SUPT3H: variants seen among roughly 807,000 people sequenced by gnomAD.
The protein encoded by SUPT3H is SPT3 homolog, SAGA and STAGA complex component.
In SUPT3H, 44 loss-of-function variants were observed where a neutral mutation model predicts 44.3. The observed-to-expected ratio is 0.99, with a 90% CI of 0.78 to 1.28. The LOEUF (loss-of-function observed/expected upper bound fraction) is 1.28, where lower values mean the gene tolerates loss of function less well. SUPT3H is among the 50% of genes most tolerant of loss of function. The pLI, the probability that SUPT3H is intolerant of heterozygous loss-of-function variation, is 0.00. For missense variants in SUPT3H, 380 were observed against 387.1 expected, an observed-to-expected ratio of 0.98 and a Z score of 0.15; for synonymous variants, 124 against 125.6, an observed-to-expected ratio of 0.99 and a Z score of 0.09.
chr6:44,903,260 A>T lies in SUPT3H; in HGVS notation c.912+29393T>A, dbSNP rs187488607. Among the ~76,000 whole-genome samples the T allele has an allele frequency of 6.6e-3, 988 of 148,806 alleles. 12 individuals are homozygous for T. Among genetic ancestry groups the T allele is most frequent in the African/African-American group, 0.023 (933 of 40,694 alleles). On this transcript the variant is annotated intron_variant, in intron 10 of 10. Coordinates refer to ENST00000371459, the MANE Select transcript of SUPT3H (RefSeq NM_003599.4). ...TCCAGTAGCTGGTTTTTTGAAAAGA[A>T]CAACAAAATTGATAGACCGCTAGCA... is the stretch of plus-strand genomic sequence containing the variant.
chr6:44,867,670 C>T (rs958956172), intron 10 of SUPT3H, among the ~76,000 whole-genome samples: 1 of 152,118 alleles, frequency 6.6e-6, no homozygotes, highest in Non-Finnish European at 1.5e-5. Flanking sequence ...AGTAGAATCT[C>T]ATTGGTTCAC....
intron 11 of SUPT3H, among the ~76,000 whole-genome samples, chr6:44,817,561 G>A: frequency 1.3e-5 from 2 of 152,104 alleles, no homozygotes; most frequent in African/African-American, 2.4e-5. Flanking sequence ...GATCATCTAT[G>A]TAGAAAATCC....
At chr6:45,012,316 C>G (rs1323233960) in intron 5 of SUPT3H, among the ~76,000 whole-genome samples, 3 of 151,658 alleles carry the variant, frequency 2.0e-5, no homozygotes, top group Non-Finnish European at 4.4e-5. Flanking sequence ...TAATGGTGCT[C>G]TACATTTCTC....
intron 2 of SUPT3H, chr6:45,322,835 T>C (rs2150042178): frequency 6.7e-7 from 1 of 1,495,918 alleles, no homozygotes; most frequent in Non-Finnish European, 9.3e-7. Flanking sequence ...CAACCACAGT[T>C]AGATTCATCC....
chr6:45,062,347 A>G (rs1250681593), intron 3 of SUPT3H, among the ~76,000 whole-genome samples: 1 of 152,226 alleles, frequency 6.6e-6, no homozygotes, highest in Non-Finnish European at 1.5e-5. Flanking sequence ...AGCATTATAA[A>G]TATCATAAAA....
At chr6:45,321,784 C>T (rs1183519749) in intron 2 of SUPT3H, 2 of 1,578,828 alleles carry the variant, frequency 1.3e-6, no homozygotes, top group Non-Finnish European at 8.7e-7. Context: ...AACACAATTT[C>T]CCACTACTTA....
intron 10 of SUPT3H, among the ~76,000 whole-genome samples, chr6:44,858,209 C>T (rs1320166975): frequency 6.6e-6 from 1 of 152,246 alleles, no homozygotes; most frequent in East Asian, 1.9e-4. Flanking sequence ...AGAAATGTGG[C>T]CCCAGTACCA....
intron 2 of SUPT3H, among the ~76,000 whole-genome samples, chr6:45,262,881 G>T (rs976757204): frequency 3.9e-5 from 6 of 152,076 alleles, no homozygotes; most frequent in African/African-American, 1.4e-4. Flanking sequence ...ACAAATATAT[G>T]AGAAAATGCT....
chr6:45,221,271 A>G (rs1220327850), intron 2 of SUPT3H, among the ~76,000 whole-genome samples: 1 of 152,114 alleles, frequency 6.6e-6, no homozygotes, highest in Admixed American at 6.6e-5. Context: ...ATCTAATGTA[A>G]ATGACGAGTT....
At chr6:45,366,554 C>T (rs1795166932) in intron 1 of SUPT3H, among the ~76,000 whole-genome samples, 1 of 152,134 alleles carries the variant, frequency 6.6e-6, no homozygotes, top group Admixed American at 6.5e-5. Context: ...AAAAGAATTC[C>T]CCTCCTTTAT....
intron 2 of SUPT3H, among the ~76,000 whole-genome samples, chr6:45,156,586 T>A (rs1015981292): frequency 2.6e-5 from 4 of 151,466 alleles, no homozygotes; most frequent in African/African-American, 9.7e-5. Context: ...ATAATTTCAA[T>A]AAATTTCTGG....
chr6:44,951,889 A>G (rs1242610802), intron 9 of SUPT3H, among the ~76,000 whole-genome samples: 2 of 152,244 alleles, frequency 1.3e-5, no homozygotes, highest in Non-Finnish European at 1.5e-5. Context: ...ACTTATACAC[A>G]TATTCATAAA....
At chr6:44,944,595 CAAA>C in intron 9 of SUPT3H, among the ~76,000 whole-genome samples, 1 of 147,688 alleles carries the variant, frequency 6.8e-6, no homozygotes, top group South Asian at 2.2e-4. Context: ...CCTGTCTCTA[CAAA>C]AAAAAATACA....
chr6:45,334,612 C>T (rs1051446201), intron 2 of SUPT3H, among the ~76,000 whole-genome samples: 12 of 150,822 alleles, frequency 8.0e-5, no homozygotes, highest in African/African-American at 1.5e-4. Flanking sequence ...ATTTTTACAC[C>T]GAAACAAAAT....
intron 6 of SUPT3H, among the ~76,000 whole-genome samples, chr6:44,964,826 C>T (rs375877633): frequency 5.1e-4 from 78 of 152,262 alleles, no homozygotes; most frequent in Non-Finnish European, 9.4e-4. Flanking sequence ...ATAGACAATA[C>T]AAAATCATGG....
intron 2 of SUPT3H, among the ~76,000 whole-genome samples, chr6:45,118,726 C>T (rs915009685): frequency 6.6e-6 from 1 of 152,144 alleles, no homozygotes; most frequent in African/African-American, 2.4e-5. Context: ...TCATTTGCTG[C>T]TCTAAGGCAT....
At chr6:45,192,476 CT>C (rs1815305774) in intron 2 of SUPT3H, among the ~76,000 whole-genome samples, 1 of 152,018 alleles carries the variant, frequency 6.6e-6, no homozygotes, top group African/African-American at 2.4e-5. Flanking sequence ...TTTATTTCAG[CT>C]TTAATTTTAT....
chr6:44,842,981 T>C (rs537473569), intron 10 of SUPT3H, among the ~76,000 whole-genome samples: 25 of 152,190 alleles, frequency 1.6e-4, no homozygotes, highest in Admixed American at 5.2e-4. Flanking sequence ...CCTGGGCACA[T>C]TGTGGCTACC....
rs78421126 is a variant in SUPT3H, at chr6:45,149,396, C to T, written c.102-43390G>A. Among the ~76,000 whole-genome samples the T allele has an allele frequency of 2.6e-4, 40 of 152,212 alleles. No homozygotes were observed. The East Asian group carries it at 7.5e-3, about 29-fold the overall frequency. On this transcript the variant is annotated intron_variant, in intron 2 of 10. Transcript: ENST00000371459. ...TGCATAACACTTTTAAATTCAGGTTCCACTATGTACAGTCTACAGTAGCAA... is the reference window on the plus strand; with the variant it reads ...TGCATAACACTTTTAAATTCAGGTTTCACTATGTACAGTCTACAGTAGCAA...
Sources: allele counts gnomAD v4.1 joint callset (sites outside exome capture counted in the v4.1 genomes callset), GRCh38; gene constraint gnomAD v4.1.1; transcripts MANE v1.5; gene names NCBI Gene and HGNC (gene_info 2026-07-23, HGNC 2026-07-21).